The following KLRG1 variants were observed in gnomAD, a reference collection of about 807,000 sequenced individuals.
The protein encoded by KLRG1 is killer cell lectin like receptor G1.
A neutral mutation model predicts 21.8 loss-of-function variants in KLRG1; 16 were observed. The observed-to-expected ratio is 0.73, with a 90% CI of 0.50 to 1.11. The LOEUF is 1.11. Among genes scored for constraint, KLRG1 ranks in the 50% most tolerant of loss-of-function variants. KLRG1 has a pLI of 0.00. For missense variants in KLRG1, 173 were observed against 218.3 expected (o/e 0.79, Z 1.31); for synonymous variants, 69 against 75.9 (o/e 0.91, Z 0.47).
At chr12:9,007,592 A>C (rs117822699) in intron 3 of KLRG1, among the ~76,000 whole-genome samples, 197 of 152,254 alleles carry the variant, frequency 1.3e-3, no homozygotes, top group Non-Finnish European at 2.4e-3. Flanking sequence ...TTAGAAGAGC[A>C]ACTCTTTATT....
At chr12:9,098,456 T>G in the KLRG1 span, 592 of 599,252 alleles carry the variant, frequency 9.9e-4, 4 homozygotes, top group African/African-American at 0.01. Flanking sequence ...ATATAATTCC[T>G]TACCAATGAA....
At chr12:9,123,179 A>T in the KLRG1 span, among the ~76,000 whole-genome samples, 2 of 152,190 alleles carry the variant, frequency 1.3e-5, no homozygotes, top group African/African-American at 4.8e-5. Context: ...AGTTCCCCTT[A>T]TCCGAGGGGC....
chr12:8,959,730 T>A lies in KLRG1; in HGVS notation c.-156+9494T>A, dbSNP rs777913829. On this transcript the variant is annotated intron_variant, in intron 1 of 4. Coordinates refer to the KLRG1 transcript ENST00000539240. ...TTTTTTCAGCAATGTTTTACAGTTTTCAGTGTAGAGGACTTACGTGTCTTT... is the reference window on the plus strand; with the variant it reads ...TTTTTTCAGCAATGTTTTACAGTTTACAGTGTAGAGGACTTACGTGTCTTT... 3.9e-5 allele frequency among the ~76,000 whole-genome samples: 6 copies of A among 152,334 alleles called. No homozygotes were observed. The South Asian group carries it at 8.3e-4, about 21-fold the overall frequency.
intron 3 of KLRG1, among the ~76,000 whole-genome samples, chr12:8,997,728 A>G (rs1167339137): frequency 1.3e-5 from 2 of 152,118 alleles, no homozygotes; most frequent in Non-Finnish European, 2.9e-5. Context: ...TACAATAATA[A>G]CAGAGGCTAC....
the KLRG1 span, chr12:9,079,768 T>C: frequency 2.5e-6 from 4 of 1,612,656 alleles, no homozygotes; most frequent in Non-Finnish European, 3.4e-6. Context: ...CCATAGGGCA[T>C]CTGGAGAAGA....
the KLRG1 span, chr12:9,163,806 T>G: frequency 6.2e-7 from 1 of 1,608,742 alleles, no homozygotes; most frequent in African/African-American, 1.3e-5. Context: ...CAAGGAATAT[T>G]GAAAACATGA....
the KLRG1 span, among the ~76,000 whole-genome samples, chr12:9,213,853 A>G: frequency 6.6e-6 from 1 of 152,182 alleles, no homozygotes; most frequent in East Asian, 1.9e-4. Flanking sequence ...AATTTAAAAC[A>G]TTTTTTGGTT....
the KLRG1 span, chr12:9,163,680 G>A: frequency 6.2e-7 from 1 of 1,613,606 alleles, no homozygotes; most frequent in Non-Finnish European, 8.5e-7. Context: ...CCACCAACAG[G>A]GTTTTGATGA....
chr12:9,003,271 A>C (rs1360100704), intron 3 of KLRG1, among the ~76,000 whole-genome samples: 1 of 152,090 alleles, frequency 6.6e-6, no homozygotes, highest in Non-Finnish European at 1.5e-5. Context: ...AAGAAAAAGA[A>C]ATGGACTGTT....
chr12:9,201,817 C>T, the KLRG1 span, among the ~76,000 whole-genome samples: 51,960 of 151,802 alleles, frequency 0.34, 8,885 homozygotes, highest in East Asian at 0.44. Context: ...CTATTAAAAG[C>T]AGCTTTGTTC....
chr12:9,113,913 C>G, the KLRG1 span, among the ~76,000 whole-genome samples: 1 of 152,112 alleles, frequency 6.6e-6, no homozygotes, highest in South Asian at 2.1e-4. Context: ...CTCAGTCATG[C>G]GGACATTACA....
the KLRG1 span, among the ~76,000 whole-genome samples, chr12:9,206,233 T>C: frequency 1.3e-5 from 2 of 151,856 alleles, no homozygotes; most frequent in African/African-American, 4.8e-5. Flanking sequence ...AGTTCTTTGA[T>C]CTTAATAAGA....
the KLRG1 span, chr12:9,192,395 G>T: frequency 7.9e-7 from 1 of 1,267,280 alleles, no homozygotes; most frequent in Non-Finnish European, 1.1e-6. Context: ...AATGAAGGAC[G>T]CACAACAAGA....
the KLRG1 span, chr12:9,201,266 C>A: frequency 7.0e-7 from 1 of 1,418,950 alleles, no homozygotes; most frequent in Admixed American, 1.9e-5. Flanking sequence ...AGAGTATTAT[C>A]AGAACCTCCT....
the KLRG1 span, among the ~76,000 whole-genome samples, chr12:9,197,437 T>C: frequency 7.4e-6 from 1 of 135,980 alleles, no homozygotes; most frequent in East Asian, 2.0e-4. Context: ...TATTAATTAT[T>C]GGAGTACTGC....
At chr12:9,109,006 C>A in the KLRG1 span, among the ~76,000 whole-genome samples, 8 of 149,104 alleles carry the variant, frequency 5.4e-5, no homozygotes, top group African/African-American at 1.8e-4. Context: ...AGAACCAATA[C>A]CCTTCAACAC....
intron 1 of KLRG1, among the ~76,000 whole-genome samples, chr12:8,977,207 ATTT>A (rs34727740): frequency 7.0e-6 from 1 of 142,064 alleles, no homozygotes; most frequent in Non-Finnish European, 1.5e-5. Flanking sequence ...CTAGCTACTG[ATTT>A]TTTTTTTTTT....
chr12:9,124,423 C>T, the KLRG1 span, among the ~76,000 whole-genome samples: 3 of 152,086 alleles, frequency 2.0e-5, no homozygotes, highest in Admixed American at 6.5e-5. Context: ...GGATCTGAGC[C>T]TCCCTGTGCT....
the KLRG1 span, chr12:9,158,649 G>T: frequency 1.4e-6 from 2 of 1,469,136 alleles, no homozygotes; most frequent in South Asian, 1.4e-5. Flanking sequence ...GTACACACAG[G>T]CTCCCCCATC....
Sources: gnomAD v4.1 joint callset for allele counts (sites outside exome capture counted in the v4.1 genomes callset) on GRCh38, gnomAD v4.1.1 for gene constraint, MANE v1.5 for transcripts, NCBI Gene and HGNC (gene_info 2026-07-23, HGNC 2026-07-21) for gene names.